NREP: variants seen among roughly 807,000 people sequenced by gnomAD.
NREP encodes neuronal regeneration related protein.
Under a neutral mutation model 8.6 loss-of-function variants are expected in NREP, and 5 were observed. The observed-to-expected ratio is 0.58, with a 90% CI of 0.30 to 1.22. NREP has a LOEUF of 1.22. NREP is among the 50% of genes most tolerant of loss of function. NREP has a pLI of 0.07. For synonymous variants in NREP, 27 were observed against 28.0 expected (o/e 0.96, Z 0.11); for missense variants, 86 against 82.5 (o/e 1.04, Z -0.17).
chr5:111,959,772 T>C (rs1307867244), intron 2 of NREP, among the ~76,000 whole-genome samples: 2 of 152,062 alleles, frequency 1.3e-5, no homozygotes, highest in South Asian at 2.1e-4. Flanking sequence ...AACTGAACAT[T>C]TGTATTCCTT....
In NREP at chr5:111,923,829, C is replaced by T. The variant is rs147150130; in HGVS notation, c.135+51445G>A. Among the ~76,000 whole-genome samples the T allele has an allele frequency of 4.3e-3, 655 of 152,206 alleles. 4 individuals are homozygous for T. The highest frequency in any genetic ancestry group is 0.015 in the African/African-American group (622 of 41,528). On this transcript the variant is annotated intron_variant, in intron 2 of 3. Coordinates refer to the NREP transcript ENST00000395634. Reference sequence around the variant, plus strand: ...TATTGGAAGACTAAGGGTTGGTGCCCCAAGCAAAGCTTGTTTTAACTGGTT... The same window carrying T: ...TATTGGAAGACTAAGGGTTGGTGCCTCAAGCAAAGCTTGTTTTAACTGGTT...
chr5:111,932,394 A>G (rs1055557623), intron 2 of NREP, among the ~76,000 whole-genome samples: 1 of 152,128 alleles, frequency 6.6e-6, no homozygotes, highest in African/African-American at 2.4e-5. Flanking sequence ...TAACATAGCC[A>G]TCCCACAGTT....
chr5:111,959,288 T>C (rs1004079764), intron 2 of NREP, among the ~76,000 whole-genome samples: 23 of 151,980 alleles, frequency 1.5e-4, no homozygotes, highest in Non-Finnish European at 3.2e-4. Flanking sequence ...GTGATTGAAA[T>C]CAGAATAGTG....
intron 2 of NREP, among the ~76,000 whole-genome samples, chr5:111,814,984 C>G (rs1752352830): frequency 6.7e-6 from 1 of 148,212 alleles, no homozygotes; most frequent in Non-Finnish European, 1.5e-5. Context: ...AAAAGGAATA[C>G]CAAAGGAACT....
chr5:111,821,621 G>A (rs1344201774), intron 2 of NREP, among the ~76,000 whole-genome samples: 5 of 152,120 alleles, frequency 3.3e-5, no homozygotes, highest in Non-Finnish European at 5.9e-5. Context: ...CTATTAAAAT[G>A]TCTGTGTTGG....
At chr5:111,735,249 A>G (rs1157826903) in intron 3 of NREP, 181 bp downstream of exon 3, 2 of 466,370 alleles carry the variant, frequency 4.3e-6, no homozygotes, top group African/African-American at 3.9e-5. Context: ...TGTGAACTTT[A>G]AGTCATAGGA....
At chr5:111,800,738 G>C (rs1197641957) in intron 2 of NREP, among the ~76,000 whole-genome samples, 3 of 152,150 alleles carry the variant, frequency 2.0e-5, no homozygotes, top group Non-Finnish European at 4.4e-5. Flanking sequence ...TTTTATTATT[G>C]AATAAGCACT....
chr5:111,753,314 G>A (rs955061872), intron 2 of NREP, among the ~76,000 whole-genome samples: 6 of 142,160 alleles, frequency 4.2e-5, no homozygotes, highest in African/African-American at 1.5e-4. Flanking sequence ...GCCTCCTAGA[G>A]CTGCACAAGT....
intron 2 of NREP, among the ~76,000 whole-genome samples, chr5:111,844,234 C>G (rs937132428): frequency 6.6e-6 from 1 of 151,938 alleles, no homozygotes; most frequent in Non-Finnish European, 1.5e-5. Flanking sequence ...CACTGTTTTA[C>G]TTTTTTAAAT....
At chr5:111,852,885 A>C (rs1391882718) in intron 2 of NREP, among the ~76,000 whole-genome samples, 3 of 152,136 alleles carry the variant, frequency 2.0e-5, no homozygotes, top group African/African-American at 7.2e-5. Context: ...AAAATCACTA[A>C]ACCTCTCTGT....
chr5:111,859,259 C>G (rs1313283338), intron 2 of NREP, among the ~76,000 whole-genome samples: 1 of 152,122 alleles, frequency 6.6e-6, no homozygotes, highest in East Asian at 1.9e-4. Context: ...CTGCTAGACA[C>G]TCAGAAAGGG....
intron 2 of NREP, among the ~76,000 whole-genome samples, chr5:111,807,383 C>T (rs1752166419): frequency 6.6e-6 from 1 of 152,100 alleles, no homozygotes; most frequent in South Asian, 2.1e-4. Flanking sequence ...AACCAATAAG[C>T]ACTAAGGAAT....
At chr5:111,877,831 C>CA (rs755718309) in intron 2 of NREP, among the ~76,000 whole-genome samples, 11 of 151,294 alleles carry the variant, frequency 7.3e-5, no homozygotes, top group Non-Finnish European at 1.3e-4. Context: ...TCAGACAGAC[C>CA]AAGTTGAGTT....
At chr5:111,944,651 G>A (rs1755926905) in intron 2 of NREP, among the ~76,000 whole-genome samples, 1 of 152,050 alleles carries the variant, frequency 6.6e-6, no homozygotes, top group Non-Finnish European at 1.5e-5. Context: ...CTAAATTCTT[G>A]AATATCTGTT....
intron 2 of NREP, among the ~76,000 whole-genome samples, chr5:111,902,585 G>A (rs190440076): frequency 1.1e-4 from 17 of 152,282 alleles, no homozygotes; most frequent in African/African-American, 3.8e-4. Context: ...AAGAGCAAAG[G>A]TCATGACAAC....
rs1253980810 is a variant in NREP, at chr5:111,838,698, C to G, written c.136-103191G>C. Among the ~76,000 whole-genome samples the G allele has an allele frequency of 2.0e-5, 3 of 151,906 alleles. 1 individual carries two copies. The South Asian group carries it at 6.2e-4, about 32-fold the overall frequency. On this transcript the variant is annotated intron_variant, in intron 2 of 3. Transcript: ENST00000395634. ...TTTTATAGATTATTTCCTTGAAATT[C>G]ATGATGATATATATATATGTGTGTG...
At chr5:111,971,332 A>C (rs935331655) in intron 2 of NREP, among the ~76,000 whole-genome samples, 3 of 152,204 alleles carry the variant, frequency 2.0e-5, no homozygotes, top group African/African-American at 7.2e-5. Flanking sequence ...TTTTCACAGA[A>C]ATAGAGAAAA....
chr5:111,831,579 T>C (rs1307252069), intron 2 of NREP, among the ~76,000 whole-genome samples: 1 of 152,194 alleles, frequency 6.6e-6, no homozygotes, highest in African/African-American at 2.4e-5. Context: ...TTTTTGACTC[T>C]ACCACTCTTT....
chr5:111,880,415 T>C (rs1754023839), intron 2 of NREP, among the ~76,000 whole-genome samples: 1 of 152,200 alleles, frequency 6.6e-6, no homozygotes, highest in Non-Finnish European at 1.5e-5. Flanking sequence ...CAAGATCAAA[T>C]ATGTCAGCAG....
Sources: allele counts gnomAD v4.1 joint callset (sites outside exome capture counted in the v4.1 genomes callset), GRCh38; gene constraint gnomAD v4.1.1; transcripts MANE v1.5; gene names NCBI Gene and HGNC (gene_info 2026-07-23, HGNC 2026-07-21).